The following TTLL12 variants were observed in gnomAD, a reference collection of about 807,000 sequenced individuals.
TTLL12 encodes tubulin--tyrosine ligase-like protein 12.
In TTLL12, 77 loss-of-function variants were observed where a neutral mutation model predicts 79.6. That is an observed-to-expected ratio of 0.97 (90% CI 0.81 to 1.17). The LOEUF is 1.17. Ranked by LOEUF, TTLL12 falls within the 50% of genes most tolerant of loss-of-function variation. TTLL12 has a pLI of 0.00. For synonymous variants in TTLL12, 437 were observed against 376.1 expected, an observed-to-expected ratio of 1.16 and a Z score of -1.87; for missense variants, 969 against 895.9, an observed-to-expected ratio of 1.08 and a Z score of -1.04.
At position 43,168,921 on chromosome 22, in the gene TTLL12, CG is replaced by C. The variant is rs1931690383; in HGVS notation, c.1645-10del. The C allele has an allele frequency of 6.2e-7, 1 of 1,606,628 alleles. No individual in the cohort carries two copies. Among genetic ancestry groups the C allele is most frequent in the Non-Finnish European group, 8.5e-7 (1 of 1,176,506 alleles). On this transcript the variant is annotated splice_polypyrimidine_tract_variant and intron_variant, in intron 12 of 13. Coordinates refer to ENST00000216129, the MANE Select transcript of TTLL12 (RefSeq NM_015140.4). Reference sequence around the variant, plus strand: ...GCCCGGAAGATCTCAGCCTGGGGACCGGGGAGCCTGAGTTACGAGGCCTGCT... The same window carrying C: ...GCCCGGAAGATCTCAGCCTGGGGACCGGGAGCCTGAGTTACGAGGCCTGCT...
chr22:43,174,570 C>G lies in TTLL12; in HGVS notation c.963G>C (p.Pro321=). Residue 321 remains proline (P), a synonymous_variant, in exon 7 of 14, where the codon CCG becomes CCC. Transcript: ENST00000216129. ...VQQVASSLTH[P]RFTLTQSEAD... is the part of the protein sequence containing the mutation. ...CCTCACTCTGGGTGAGGGTGAAGCG[C>G]GGGTGGGTGAGGCTGCTGGCCACCT... 1.2e-6 allele frequency: 2 copies of G among 1,613,300 alleles called. No individual in the cohort carries two copies. The highest frequency in any genetic ancestry group is 1.7e-6 in the Non-Finnish European group (2 of 1,179,772).
chr22:43,167,195 C>G lies in TTLL12; in HGVS notation c.*813G>C, dbSNP rs551031227. 3.8e-6 allele frequency: 2 copies of G among 532,082 alleles called. No homozygotes were observed. The highest frequency in any genetic ancestry group is 3.9e-6 in the Non-Finnish European group (1 of 259,466). The allele number at this position is 532,082 out of a possible 1,614,324, so 33.0% of individuals were successfully genotyped here. A position where few individuals can be genotyped will look rare whatever the true frequency, so the allele number is the denominator to read the frequency against. ...CTCCACCGCCCACAATCAGCCCCAG[C>G]CCCAGGCGCCCCTTGCCGAAGGATC... On this transcript the variant is annotated 3_prime_UTR_variant, in exon 14 of 14. Transcript: ENST00000216129.
Position 43,183,130 on chromosome 22 carries a change from A to T in TTLL12, c.197T>A (p.Val66Glu), listed in dbSNP as rs1932101119. 14 of 1,613,446 alleles carry T rather than the reference A, an allele frequency of 8.7e-6. No homozygotes were observed. In the East Asian group the frequency reaches 3.1e-4, roughly 36 times the overall value. ...LEHEVFDAGE[V>E]FGIMQVEEVE... ...CTCCTCCACTTGCATGATCCCAAACACTTCCCCAGCGTCGAAAACCTGGGG... is the reference window on the plus strand; with the variant it reads ...CTCCTCCACTTGCATGATCCCAAACTCTTCCCCAGCGTCGAAAACCTGGGG... Residue 66 changes from valine (V) to glutamate (E), a missense_variant, in exon 2 of 14, where the codon GTG (valine) becomes GAG (glutamate). By Grantham distance (121) the Val-to-Glu change is moderately radical. Transcript: ENST00000216129.
intron 5 of TTLL12, among the ~76,000 whole-genome samples, chr22:43,177,762 G>C (rs1339501732): frequency 6.6e-6 from 1 of 152,228 alleles, no homozygotes; most frequent in Non-Finnish European, 1.5e-5. Context: ...AGGGAGACTT[G>C]AGGCCAGAGG....
At chr22:43,174,672 C>T in intron 6 of TTLL12, 57 bp from the exon 7 acceptor site, 1 of 1,275,904 alleles carries the variant, frequency 7.8e-7, no homozygotes, top group Non-Finnish European at 1.1e-6. Context: ...AGCGGGACTC[C>T]AGCACTAGCC....
chr22:43,174,654 AGT>A (rs1388113886), intron 6 of TTLL12, 39 bp from the exon 7 acceptor site: 3 of 1,481,294 alleles, frequency 2.0e-6, no homozygotes, highest in Middle Eastern at 1.8e-4. Context: ...CCGGCTCCCA[AGT>A]GTCCAAGCGG....
intron 2 of TTLL12, among the ~76,000 whole-genome samples, chr22:43,182,609 G>A (rs1052979205): frequency 6.6e-6 from 1 of 152,166 alleles, no homozygotes. Context: ...GCCCACCCCA[G>A]ATTCCAATTT....
chr22:43,185,297 A>ATATATG (rs1932156372), intron 1 of TTLL12, among the ~76,000 whole-genome samples: 6 of 106,112 alleles, frequency 5.7e-5, no homozygotes, highest in African/African-American at 2.3e-4. Flanking sequence ...ATATATATAT[A>ATATATG]TATGTATGTA....
At chr22:43,186,702 G>A (rs1261592728) in intron 1 of TTLL12, among the ~76,000 whole-genome samples, 191 bp downstream of exon 1, 1 of 152,164 alleles carries the variant, frequency 6.6e-6, no homozygotes, top group Non-Finnish European at 1.5e-5. Context: ...GATCAGGGCC[G>A]CAGGTACCCC....
intron 11 of TTLL12, chr22:43,169,973 C>T (rs1481668407): frequency 4.9e-5 from 21 of 427,018 alleles, no homozygotes; most frequent in South Asian, 3.4e-4. Context: ...AAGACTCCGC[C>T]GCGGGACCTG....
rs866669225 is a variant in TTLL12 at position 43,187,090 on chromosome 22, C to T, written c.-21G>A. 8.8e-7 allele frequency: 1 copy of T among 1,131,746 alleles called. No individual in the cohort carries two copies. The highest frequency in any genetic ancestry group is 1.1e-6 in the Non-Finnish European group (1 of 926,008). The allele number at this position is 1,131,746 out of a possible 1,614,324, so 70.1% of individuals were successfully genotyped here. On this transcript the variant is annotated 5_prime_UTR_variant, in exon 1 of 14. Transcript: ENST00000216129. The stretch of plus-strand genomic sequence containing the variant: ...TCCATGGCGCCAGCACCCGCGCCGA[C>T]TCCAGCGCCGCCACCGCCGCCGCCG...
In TTLL12 at chr22:43,180,727, C is replaced by T; in HGVS notation, c.546+15G>A. 6.2e-7 allele frequency: 1 copy of T among 1,612,300 alleles called. No individual in the cohort carries two copies. Among genetic ancestry groups the T allele is most frequent in the Non-Finnish European group, 8.5e-7 (1 of 1,179,580 alleles). ...GCCTGTCCTCCCCCTCCCCGGGGCC[C>T]AGCTACCCACTCACCCCATGGGCCA... On this transcript the variant is annotated intron_variant, in intron 3 of 13. Coordinates refer to ENST00000216129, the MANE Select transcript of TTLL12 (RefSeq NM_015140.4).
intron 2 of TTLL12, 142 bp from the exon 3 acceptor site, chr22:43,181,082 A>G: frequency 1.1e-6 from 1 of 949,568 alleles, no homozygotes; most frequent in Non-Finnish European, 1.5e-6. Context: ...AGTTATGCCT[A>G]GTTTTGGACT....
rs762792682 is a variant in TTLL12 at position 43,179,728 on chromosome 22, T to C, written c.731A>G (p.Tyr244Cys). The change falls in exon 5 of 14, where the codon TAC (tyrosine) becomes TGC (cysteine). Residue 244 changes from tyrosine to cysteine, a missense_variant. Physicochemically the swap from Tyr to Cys is radical, Grantham distance 194. Coordinates refer to ENST00000216129, the MANE Select transcript of TTLL12 (RefSeq NM_015140.4). ...CCGGATCAGGGGGTCCGTCTCTCCG[T>C]AGGCAAAGTCTCGGGTCACCTCCTC... ...TGEEVTRDFAYGETDPLIRKC... is the reference protein window; with the variant it reads ...TGEEVTRDFACGETDPLIRKC... 3.8e-6 allele frequency: 6 copies of C among 1,564,328 alleles called. No individual in the cohort carries two copies. Among genetic ancestry groups the C allele is most frequent in the Admixed American group, 3.9e-5 (2 of 51,482 alleles).
chr22:43,178,058 G>A (rs533271134), intron 5 of TTLL12, among the ~76,000 whole-genome samples: 1 of 152,278 alleles, frequency 6.6e-6, no homozygotes, highest in African/African-American at 2.4e-5. Context: ...CCCGAGACCA[G>A]GAAGTGTTTG....
Position 43,179,893 on chromosome 22 carries a change from C to T in TTLL12, c.654G>A (p.Pro218=), listed in dbSNP as rs747240310. ...ACAGCAGCGTGTAGGCCACCTGCTGCGGCATGTAGAAGAAGGGTGCCGTGG... is the reference window on the plus strand; with the variant it reads ...ACAGCAGCGTGTAGGCCACCTGCTGTGGCATGTAGAAGAAGGGTGCCGTGG... ...SFATAPFFYM[P]QQVAYTLLWP... The change falls in exon 4 of 14, where the codon CCG becomes CCA. Residue 218 remains proline (P), a synonymous_variant. Transcript: ENST00000216129. The T allele has an allele frequency of 1.6e-5, 26 of 1,610,472 alleles. No homozygotes were observed. The highest frequency in any genetic ancestry group is 6.6e-5 in the South Asian group (6 of 90,998).
chr22:43,167,486 G>A lies in TTLL12; in HGVS notation c.*522C>T, dbSNP rs1371731508. On this transcript the variant is annotated 3_prime_UTR_variant, in exon 14 of 14. Transcript: ENST00000216129. ...GGGCCCCTGTCGCATAGAGCCCTGT[G>A]GGTGCAGTGTGGGGCCCCACAGCCG... 1 of 253,104 alleles carries A rather than the reference G, an allele frequency of 4.0e-6. No homozygotes were observed. Among genetic ancestry groups the A allele is most frequent in the East Asian group, 1.2e-4 (1 of 8,484 alleles). 15.7% of individuals were successfully genotyped at this position (253,104 alleles called of 1,614,324 possible). A position where few individuals can be genotyped will look rare whatever the true frequency, so the allele number is the denominator to read the frequency against.
chr22:43,174,469 G>A (rs200503085), intron 7 of TTLL12, 30 bp downstream of exon 7: 214 of 1,584,120 alleles, frequency 1.4e-4, no homozygotes, highest in Non-Finnish European at 1.8e-4. Flanking sequence ...CCCTGACTGG[G>A]AGGGCCCCTG....
intron 5 of TTLL12, among the ~76,000 whole-genome samples, chr22:43,178,913 G>A (rs954690132): frequency 4.6e-5 from 7 of 152,230 alleles, no homozygotes; most frequent in African/African-American, 1.7e-4. Flanking sequence ...AGGCTCCCTT[G>A]TAGGCTGGTT....
Sources: gnomAD v4.1 joint callset for allele counts (sites outside exome capture counted in the v4.1 genomes callset) on GRCh38, gnomAD v4.1.1 for gene constraint, MANE v1.5 for transcripts, NCBI Gene and HGNC (gene_info 2026-07-23, HGNC 2026-07-21) for gene names.